PRR14L: variants seen among roughly 807,000 people sequenced by gnomAD.
The protein encoded by PRR14L is proline rich 14 like, also known as protein PRR14L.
A neutral mutation model predicts 155.0 loss-of-function variants in PRR14L; 80 were observed. The ratio of observed to expected loss-of-function variants is 0.52; its 90% CI spans 0.43 to 0.62. The LOEUF is 0.62. Among genes scored for constraint, PRR14L ranks in the 20% least tolerant of loss-of-function variants. PRR14L has a pLI of 0.00. For synonymous variants in PRR14L, 883 were observed against 916.0 expected, an observed-to-expected ratio of 0.96 and a Z score of 0.65; for missense variants, 2,469 against 2,548.0, an observed-to-expected ratio of 0.97 and a Z score of 0.67.
intron 1 of PRR14L, among the ~76,000 whole-genome samples, chr22:31,745,270 G>A (rs1192568970): frequency 6.6e-6 from 1 of 152,192 alleles, no homozygotes. Context: ...CCAGCTACTC[G>A]GGAGGCTGAG....
intron 4 of PRR14L, among the ~76,000 whole-genome samples, chr22:31,705,494 C>T (rs2074585894): frequency 6.6e-6 from 1 of 151,936 alleles, no homozygotes; most frequent in East Asian, 2.0e-4. Flanking sequence ...CTGCCTCAGC[C>T]TCCCAAGTAG....
chr22:31,693,200 C>A (rs536089775), intron 7 of PRR14L, among the ~76,000 whole-genome samples: 54 of 152,272 alleles, frequency 3.5e-4, no homozygotes, highest in African/African-American at 1.2e-3. Context: ...TACAGTAACA[C>A]ACATAACAGT....
At chr22:31,726,460 T>C (rs2074717313) in intron 2 of PRR14L, among the ~76,000 whole-genome samples, 2 of 151,858 alleles carry the variant, frequency 1.3e-5, no homozygotes, top group Non-Finnish European at 2.9e-5. Flanking sequence ...AGAGACAGGG[T>C]TTCACCATGT....
At position 31,712,488 on chromosome 22, in the gene PRR14L, A is replaced by G. The variant is rs1366980022; in HGVS notation, c.5351T>C (p.Val1784Ala). ...GMATFREDTG[V>A]HSQTHTQAPP... ...AGCCTGAGTGTGGGTCTGACTATGG[A>G]CGCCAGTGTCTTCCCTGAATGTTGC... Residue 1784 changes from valine (V) to alanine (A), a missense_variant, in exon 4 of 9, where the codon GTC becomes GCC. Transcript: ENST00000327423. 1 of 1,552,212 alleles carries G rather than the reference A, an allele frequency of 6.4e-7. No individual in the cohort carries two copies. Among genetic ancestry groups the G allele is most frequent in the Non-Finnish European group, 8.7e-7 (1 of 1,147,178 alleles).
At chr22:31,733,595 A>G (rs1188727456) in intron 2 of PRR14L, among the ~76,000 whole-genome samples, 1 of 152,084 alleles carries the variant, frequency 6.6e-6, no homozygotes, top group Non-Finnish European at 1.5e-5. Context: ...CTAGAAGTCT[A>G]TCTTTTAAGG....
intron 7 of PRR14L, among the ~76,000 whole-genome samples, chr22:31,696,211 G>A (rs5753758): frequency 2.6e-5 from 4 of 151,306 alleles, no homozygotes; most frequent in South Asian, 2.1e-4. Flanking sequence ...GTGCGATCTC[G>A]GCTCACTGCA....
intron 2 of PRR14L, among the ~76,000 whole-genome samples, chr22:31,731,658 A>G (rs954961393): frequency 6.6e-6 from 1 of 150,966 alleles, no homozygotes; most frequent in African/African-American, 2.4e-5. Context: ...CTCCTTTGTA[A>G]TTTATTTCTC....
intron 4 of PRR14L, among the ~76,000 whole-genome samples, chr22:31,711,075 T>C (rs2074618381): frequency 1.3e-5 from 2 of 152,222 alleles, no homozygotes; most frequent in Non-Finnish European, 2.9e-5. Flanking sequence ...GCTGGCTGTT[T>C]AGTGCTTTGT....
chr22:31,713,770 C>T lies in PRR14L; in HGVS notation c.4069G>A (p.Glu1357Lys), dbSNP rs1307475784. Residue 1357 changes from glutamate (E) to lysine (K), a missense_variant, in exon 4 of 9, where the codon GAG (glutamate) becomes AAG (lysine). Coordinates refer to ENST00000327423, the MANE Select transcript of PRR14L (RefSeq NM_173566.3). Reference sequence around the variant, plus strand: ...TCGCCAGTTTCTCTGGTAACCAACTCCTCAGATTGCTCCCCAACAGTTAAG... The same window carrying T: ...TCGCCAGTTTCTCTGGTAACCAACTTCTCAGATTGCTCCCCAACAGTTAAG... The part of the protein sequence containing the change: ...GYLTVGEQSE[E>K]LVTRETGDGD... 6.4e-6 allele frequency: 10 copies of T among 1,552,358 alleles called. No individual in the cohort carries two copies. Among genetic ancestry groups the T allele is most frequent in the Middle Eastern group, 1.7e-4 (1 of 5,998 alleles).
intron 2 of PRR14L, among the ~76,000 whole-genome samples, chr22:31,734,217 C>T (rs972227639): frequency 2.0e-5 from 3 of 152,154 alleles, no homozygotes; most frequent in Non-Finnish European, 2.9e-5. Context: ...ATCATCCTCC[C>T]GCCTCAGCCT....
At chr22:31,748,802 G>A (rs1420545749) in intron 1 of PRR14L, among the ~76,000 whole-genome samples, 2 of 152,234 alleles carry the variant, frequency 1.3e-5, no homozygotes. Flanking sequence ...TTTCTCTTAA[G>A]AGCACAGACC....
chr22:31,719,673 T>C (rs2074679745), intron 3 of PRR14L, among the ~76,000 whole-genome samples: 1 of 152,018 alleles, frequency 6.6e-6, no homozygotes, highest in South Asian at 2.1e-4. Flanking sequence ...AGAGCAGCAA[T>C]TACTGTGAGA....
chr22:31,730,467 C>T (rs1293255573), intron 2 of PRR14L, among the ~76,000 whole-genome samples: 1 of 152,028 alleles, frequency 6.6e-6, no homozygotes, highest in Non-Finnish European at 1.5e-5. Context: ...AAAAGAATAC[C>T]ACAGAAGTGA....
chr22:31,694,774 GA>G (rs550031425), intron 7 of PRR14L, among the ~76,000 whole-genome samples: 118 of 129,220 alleles, frequency 9.1e-4, no homozygotes, highest in South Asian at 5.5e-3. Context: ...AACAAAAACA[GA>G]AAAAAAAAAA....
intron 7 of PRR14L, among the ~76,000 whole-genome samples, chr22:31,698,113 C>T (rs1017626646): frequency 1.3e-5 from 2 of 151,532 alleles, no homozygotes; most frequent in Non-Finnish European, 2.9e-5. Flanking sequence ...CAACCTCCAC[C>T]TCCCGGGTTC....
chr22:31,736,632 C>T (rs1448601312), intron 2 of PRR14L, among the ~76,000 whole-genome samples: 1 of 152,182 alleles, frequency 6.6e-6, no homozygotes, highest in African/African-American at 2.4e-5. Context: ...CCACAGCCCT[C>T]AGGCCAGCAG....
chr22:31,713,041 G>A lies in PRR14L; in HGVS notation c.4798C>T (p.Pro1600Ser). The A allele has an allele frequency of 1.9e-6, 3 of 1,552,294 alleles. No homozygotes were observed. The Admixed American group carries it at 5.9e-5, about 30-fold the overall frequency. ...TTCCTAAAATTCAGGCTCCTCAAGGGATGGCACGGTGTAGACATCTGCTTT... is the reference window on the plus strand; with the variant it reads ...TTCCTAAAATTCAGGCTCCTCAAGGAATGGCACGGTGTAGACATCTGCTTT... ...IPKQMSTPCHPLRSLNFRKTT... is the reference protein window; with the variant it reads ...IPKQMSTPCHSLRSLNFRKTT... Residue 1600 changes from proline (P) to serine (S), a missense_variant, in exon 4 of 9, where the codon CCC (proline) becomes TCC (serine). This residue lies in a region of PRR14L where 2,363 missense variants were observed against 2,371.6 expected (regional missense o/e 1.00). Transcript: ENST00000327423.
chr22:31,723,131 C>A (rs961495784), intron 3 of PRR14L, among the ~76,000 whole-genome samples: 9 of 152,062 alleles, frequency 5.9e-5, no homozygotes, highest in Admixed American at 2.0e-4. Flanking sequence ...ATGAACTAGG[C>A]CATTGCTGCT....
At chr22:31,711,562 C>G (rs2074622272) in intron 4 of PRR14L, among the ~76,000 whole-genome samples, 1 of 151,860 alleles carries the variant, frequency 6.6e-6, no homozygotes, top group South Asian at 2.1e-4. Flanking sequence ...AGGTGGATCA[C>G]CTGAGGTCAG....
Sources: allele counts gnomAD v4.1 joint callset (sites outside exome capture counted in the v4.1 genomes callset), GRCh38; gene constraint gnomAD v4.1.1; regional missense constraint gnomAD v4.1.1; transcripts MANE v1.5; gene names NCBI Gene and HGNC (gene_info 2026-07-23, HGNC 2026-07-21).